ST6GALNAC2: variants seen among roughly 807,000 people sequenced by gnomAD.
The protein encoded by ST6GALNAC2 is alpha-N-acetylgalactosaminide alpha-2,6-sialyltransferase 2.
ST6GALNAC2 carries 42 observed loss-of-function variants against 38.7 expected under a neutral mutation model. That is an observed-to-expected ratio of 1.09 (90% CI 0.85 to 1.40). The LOEUF is 1.40. Among genes scored for constraint, ST6GALNAC2 ranks in the 40% most tolerant of loss-of-function variants. The pLI, the probability that ST6GALNAC2 is intolerant of heterozygous loss-of-function variation, is 0.00. For missense variants in ST6GALNAC2, 506 were observed against 481.7 expected (o/e 1.05, Z -0.47); for synonymous variants, 233 against 209.0 (o/e 1.11, Z -0.99).
chr17:76,582,197 G>A (rs1391770924), intron 1 of ST6GALNAC2, among the ~76,000 whole-genome samples: 1 of 106,208 alleles, frequency 9.4e-6, no homozygotes, highest in Non-Finnish European at 1.8e-5. Flanking sequence ...TTTGAGACAG[G>A]GTCTCACTTT....
chr17:76,578,887 C>T (rs935684650), intron 1 of ST6GALNAC2, 71 bp from the exon 2 acceptor site: 15 of 1,410,354 alleles, frequency 1.1e-5, no homozygotes, highest in African/African-American at 1.4e-5. Context: ...TTGGACTGAC[C>T]GACCCCCTTA....
chr17:76,584,601 C>G (rs2075521502), intron 1 of ST6GALNAC2, among the ~76,000 whole-genome samples: 1 of 152,206 alleles, frequency 6.6e-6, no homozygotes, highest in South Asian at 2.1e-4. Context: ...CTCCGCCTCC[C>G]AGAGTGCTGG....
At chr17:76,585,544 C>A in intron 1 of ST6GALNAC2, 140 bp downstream of exon 1, 2 of 1,004,654 alleles carry the variant, frequency 2.0e-6, no homozygotes, top group South Asian at 4.0e-5. Context: ...GCGGCCGAGT[C>A]CTCGCTGAGA....
Sources: allele counts gnomAD v4.1 joint callset (sites outside exome capture counted in the v4.1 genomes callset), GRCh38; gene constraint gnomAD v4.1.1; transcripts MANE v1.5; gene names NCBI Gene and HGNC (gene_info 2026-07-23, HGNC 2026-07-21).